PCDH11X: variants seen among roughly 807,000 people sequenced by gnomAD.
PCDH11X encodes the protein protocadherin-11 X-linked.
A neutral mutation model predicts 53.3 loss-of-function variants in PCDH11X; 18 were observed. The ratio of observed to expected loss-of-function variants is 0.34; its 90% CI spans 0.23 to 0.50. The LOEUF is 0.50. Among genes scored for constraint, PCDH11X ranks in the 20% least tolerant of loss-of-function variants. The pLI is 0.98. For missense variants in PCDH11X, 570 were observed against 1,032.4 expected (o/e 0.55, Z 6.14); for synonymous variants, 279 against 393.3 (o/e 0.71, Z 3.44).
At chrX:92,139,683 A>T (rs935220399) in intron 6 of PCDH11X, among the ~76,000 whole-genome samples, 4 of 111,842 alleles carry the variant, frequency 3.6e-5, no homozygotes, top group Non-Finnish European at 7.5e-5. Flanking sequence ...TTTATCAGAA[A>T]GATAATCTAT....
chrX:92,297,858 C>G (rs1781234616), intron 8 of PCDH11X, among the ~76,000 whole-genome samples: 1 of 107,425 alleles, frequency 9.3e-6, no homozygotes, highest in African/African-American at 3.4e-5. Flanking sequence ...AGAGGTTTTT[C>G]ACCTTCCCGG....
At chrX:92,343,452 T>A (rs2069814012) in intron 8 of PCDH11X, among the ~76,000 whole-genome samples, 1 of 110,624 alleles carries the variant, frequency 9.0e-6, no homozygotes, top group African/African-American at 3.3e-5. Flanking sequence ...AGGTAATAAT[T>A]GTTAAACCTG....
chrX:92,334,156 A>T (rs1332665898), intron 8 of PCDH11X, among the ~76,000 whole-genome samples: 1 of 112,109 alleles, frequency 8.9e-6, no homozygotes, highest in East Asian at 2.8e-4. Flanking sequence ...CATAAAATAA[A>T]TGTAGACACT....
At chrX:92,086,913 G>A (rs1384748015) in intron 6 of PCDH11X, among the ~76,000 whole-genome samples, 1 of 108,699 alleles carries the variant, frequency 9.2e-6, no homozygotes, top group East Asian at 2.9e-4. Context: ...GCAATTGGAA[G>A]GGGAAAAGAG....
At chrX:92,377,089 T>C (rs571266124) in intron 8 of PCDH11X, among the ~76,000 whole-genome samples, 1 of 112,053 alleles carries the variant, frequency 8.9e-6, no homozygotes, top group African/African-American at 3.2e-5. Context: ...TGAAATTTAA[T>C]AGGAACTTCA....
intron 6 of PCDH11X, among the ~76,000 whole-genome samples, chrX:91,886,903 G>A (rs1379446203): frequency 5.0e-4 from 52 of 103,732 alleles, no homozygotes; most frequent in Middle Eastern, 5.0e-3. Context: ...CCCGGGAGGC[G>A]GAGCTTGCAG....
At chrX:92,040,550 G>C (rs1035338127) in intron 6 of PCDH11X, among the ~76,000 whole-genome samples, 1 of 111,804 alleles carries the variant, frequency 8.9e-6, no homozygotes, top group African/African-American at 3.3e-5. Flanking sequence ...CACTGCCAGC[G>C]ATATGGGAGG....
chrX:91,920,203 G>C (rs780347922), intron 6 of PCDH11X, among the ~76,000 whole-genome samples: 2 of 111,332 alleles, frequency 1.8e-5, no homozygotes, highest in Non-Finnish European at 3.8e-5. Flanking sequence ...GAGCATGTTA[G>C]AGCACAGAAC....
At chrX:91,926,366 G>A (rs1941949536) in intron 6 of PCDH11X, among the ~76,000 whole-genome samples, 3 of 110,739 alleles carry the variant, frequency 2.7e-5, no homozygotes, top group Admixed American at 9.7e-5. Flanking sequence ...TTTACCCAAA[G>A]TTCACTGATT....
intron 1 of PCDH11X, among the ~76,000 whole-genome samples, chrX:91,790,174 A>G (rs1935482266): frequency 9.0e-6 from 1 of 111,392 alleles, no homozygotes; most frequent in Admixed American, 9.6e-5. Context: ...TTGCATTTAG[A>G]GGTTAAATTT....
At chrX:92,067,560 T>C (rs980881250) in intron 6 of PCDH11X, among the ~76,000 whole-genome samples, 7 of 111,128 alleles carry the variant, frequency 6.3e-5, no homozygotes, top group Non-Finnish European at 1.1e-4. Flanking sequence ...CAGTTTGTAG[T>C]ATTTTATTTA....
chrX:91,960,175 G>A (rs1171630046), intron 6 of PCDH11X, among the ~76,000 whole-genome samples: 1 of 99,354 alleles, frequency 1.0e-5, no homozygotes, highest in Non-Finnish European at 2.0e-5. Context: ...ATATATTTTA[G>A]ATATTAACCC....
At chrX:92,148,173 C>CTTCCTTCT (rs1321815793) in intron 6 of PCDH11X, among the ~76,000 whole-genome samples, 3 of 8,389 alleles carry the variant, frequency 3.6e-4, no homozygotes, top group Non-Finnish European at 6.6e-4. Context: ...TCCTTCCTTC[C>CTTCCTTCT]TTCTTTCTTT....
chrX:92,465,083 G>T (rs899447661), intron 9 of PCDH11X, among the ~76,000 whole-genome samples: 1 of 110,637 alleles, frequency 9.0e-6, no homozygotes, highest in African/African-American at 3.3e-5. Context: ...GGAATTTGGG[G>T]TTGTACTGAG....
rs953884226 is a variant in PCDH11X, at chrX:92,020,453, T to G, written c.3033+141180T>G. Among the ~76,000 whole-genome samples, 6 of 111,840 alleles carry G rather than the reference T, an allele frequency of 5.4e-5. No individual in the cohort carries two copies. The Admixed American group carries it at 5.6e-4, about 11-fold the overall frequency. ...TGCGGCCAGAGCACCTCTTCAGACC[T>G]GACCCTGACCCATTCTTCCTCATTG... On this transcript the variant is annotated intron_variant, in intron 6 of 10. Coordinates refer to ENST00000682573, the MANE Select transcript of PCDH11X (RefSeq NM_032968.5).
Position 92,231,137 on chromosome X carries a change from A to C in PCDH11X, c.3114+29682A>C, listed in dbSNP as rs751443565. Among the ~76,000 whole-genome samples, 441 of 111,472 alleles carry C rather than the reference A, an allele frequency of 4.0e-3. 3 individuals carry two copies. The highest frequency in any genetic ancestry group is 7.6e-3 in the Admixed American group (79 of 10,421). On this transcript the variant is annotated intron_variant, in intron 7 of 10. Transcript: ENST00000682573. ...AGAATGTGTCTATGTATCATAGATA[A>C]CTTCACCCAAATTAGAAACAGAAAC...
At chrX:92,305,480 T>G (rs1224188555) in intron 8 of PCDH11X, among the ~76,000 whole-genome samples, 1 of 109,768 alleles carries the variant, frequency 9.1e-6, no homozygotes, top group Non-Finnish European at 1.9e-5. Flanking sequence ...CTCAGTCGTA[T>G]CGAATTTGGA....
intron 8 of PCDH11X, among the ~76,000 whole-genome samples, chrX:92,351,604 T>A (rs2081505462): frequency 8.9e-6 from 1 of 111,901 alleles, no homozygotes; most frequent in African/African-American, 3.2e-5. Flanking sequence ...TTGAGTCAAA[T>A]TTTTTAACAC....
intron 8 of PCDH11X, among the ~76,000 whole-genome samples, chrX:92,357,953 C>T (rs1486814148): frequency 6.4e-5 from 7 of 110,225 alleles, no homozygotes; most frequent in East Asian, 2.9e-4. Flanking sequence ...TAAAGCAAAA[C>T]GCATGCAGGA....
Sources: gnomAD v4.1 joint callset for allele counts (sites outside exome capture counted in the v4.1 genomes callset) on GRCh38, gnomAD v4.1.1 for gene constraint, MANE v1.5 for transcripts, NCBI Gene and HGNC (gene_info 2026-07-23, HGNC 2026-07-21) for gene names.